KDM2A: variants seen among roughly 807,000 people sequenced by gnomAD.
KDM2A encodes lysine-specific demethylase 2A.
KDM2A carries 3 observed loss-of-function variants against 137.3 expected under a neutral mutation model. That is an observed-to-expected ratio of 0.02 (90% CI 0.01 to 0.06). KDM2A has a LOEUF of 0.06. KDM2A is among the 10% of genes least tolerant of loss of function. The pLI, the probability that KDM2A is intolerant of heterozygous loss-of-function variation, is 1.00. For synonymous variants in KDM2A, 512 were observed against 541.5 expected, an observed-to-expected ratio of 0.95 and a Z score of 0.76; for missense variants, 738 against 1,510.6, an observed-to-expected ratio of 0.49 and a Z score of 8.48.
intron 2 of KDM2A, among the ~76,000 whole-genome samples, chr11:67,135,784 C>G (rs908863069): frequency 6.6e-6 from 1 of 152,182 alleles, no homozygotes; most frequent in Non-Finnish European, 1.5e-5. Context: ...AACTTGTGGA[C>G]AGTGCTACAT....
At chr11:67,124,637 T>A (rs1295951443) in intron 2 of KDM2A, among the ~76,000 whole-genome samples, 3 of 148,270 alleles carry the variant, frequency 2.0e-5, no homozygotes, top group Non-Finnish European at 4.5e-5. Flanking sequence ...TTTTTTTTTT[T>A]AAACAAGGTA....
At chr11:67,133,173 C>G in intron 2 of KDM2A, among the ~76,000 whole-genome samples, 1 of 152,170 alleles carries the variant, frequency 6.6e-6, no homozygotes, top group East Asian at 1.9e-4. Flanking sequence ...TATCTTGGCT[C>G]AGTGCAATCT....
Position 67,256,255 on chromosome 11 carries a change from C to T in KDM2A, c.*1200C>T, listed in dbSNP as rs539947476. On this transcript the variant is annotated 3_prime_UTR_variant, in exon 21 of 21. Transcript: ENST00000529006. ...AGCATGGTGTCTCCCGCTCCACCGCCCTTTGTTGAGCCCCATCAGCTGCCC... is the reference window on the plus strand; with the variant it reads ...AGCATGGTGTCTCCCGCTCCACCGCTCTTTGTTGAGCCCCATCAGCTGCCC... 5.9e-5 allele frequency: 9 copies of T among 152,738 alleles called. No homozygotes were observed. The highest frequency in any genetic ancestry group is 1.7e-4 in the African/African-American group (7 of 41,508). The allele number at this position is 152,738 out of a possible 1,614,324, so 9.5% of individuals were successfully genotyped here. A position where few individuals can be genotyped will look rare whatever the true frequency, so the allele number is the denominator to read the frequency against.
intron 12 of KDM2A, among the ~76,000 whole-genome samples, chr11:67,240,581 C>G (rs1008226674): frequency 8.5e-5 from 13 of 152,320 alleles, no homozygotes; most frequent in African/African-American, 2.9e-4. Context: ...AGAATCCTTT[C>G]CCTCTCTGCC....
chr11:67,255,778 T>G lies in KDM2A; in HGVS notation c.*723T>G. Reference sequence around the variant, plus strand: ...TGGGGTTGAAGCTCTTCAGAGGAGCTGGAACTGTCTACCCCAGGGACACAC... The same window carrying G: ...TGGGGTTGAAGCTCTTCAGAGGAGCGGGAACTGTCTACCCCAGGGACACAC... On this transcript the variant is annotated 3_prime_UTR_variant, in exon 21 of 21. Coordinates refer to ENST00000529006, the MANE Select transcript of KDM2A (RefSeq NM_012308.3). The G allele has an allele frequency of 2.9e-6, 1 of 339,596 alleles. No individual in the cohort carries two copies. The highest frequency in any genetic ancestry group is 5.9e-6 in the Non-Finnish European group (1 of 169,616). The allele number at this position is 339,596 out of a possible 1,614,324, so 21.0% of individuals were successfully genotyped here.
intron 5 of KDM2A, among the ~76,000 whole-genome samples, chr11:67,203,488 T>A (rs1389472130): frequency 1.4e-5 from 2 of 147,438 alleles, no homozygotes; most frequent in African/African-American, 4.9e-5. Context: ...TAATATATAT[T>A]AATATATTTT....
Position 67,247,075 on chromosome 11 carries a change from T to TA in KDM2A, c.1965+959_1965+960insA, listed in dbSNP as rs1565424323. ...TATATATATATATATATATATATTT[T>TA]TTTTTTTTTTTTTTTTTTTTTTTTT... On this transcript the variant is annotated intron_variant, in intron 15 of 20. Coordinates refer to ENST00000529006, the MANE Select transcript of KDM2A (RefSeq NM_012308.3). Among the ~76,000 whole-genome samples the TA allele has an allele frequency of 1.6e-3, 101 of 62,708 alleles. 1 individual carries two copies. Among genetic ancestry groups the TA allele is most frequent in the African/African-American group, 8.0e-3 (95 of 11,904 alleles). 41.1% of individuals were successfully genotyped at this position (62,708 alleles called of 152,430 possible).
At chr11:67,127,012 C>T (rs1370529460) in intron 2 of KDM2A, among the ~76,000 whole-genome samples, 2 of 152,082 alleles carry the variant, frequency 1.3e-5, no homozygotes, top group Non-Finnish European at 2.9e-5. Flanking sequence ...AGTTTGTATA[C>T]CTGAGAAGGT....
intron 5 of KDM2A, among the ~76,000 whole-genome samples, chr11:67,204,001 A>G (rs959041149): frequency 3.3e-5 from 5 of 151,994 alleles, no homozygotes; most frequent in Admixed American, 6.6e-5. Context: ...GGGTTTCACC[A>G]TGTTGGCCAG....
intron 6 of KDM2A, 76 bp from the exon 7 acceptor site, chr11:67,215,264 C>A: frequency 1.2e-6 from 1 of 856,044 alleles, no homozygotes; most frequent in South Asian, 1.9e-5. Context: ...AGAAATTCTG[C>A]TTTTCTTGAC....
chr11:67,248,630 C>T, intron 16 of KDM2A: 2 of 397,562 alleles, frequency 5.0e-6, no homozygotes, highest in Non-Finnish European at 9.3e-6. Context: ...CTCTGGGGCC[C>T]TACAAAGAGA....
Position 67,255,617 on chromosome 11 carries a change from T to C in KDM2A, c.*562T>C, listed in dbSNP as rs750241715. 1 of 455,698 alleles carries C rather than the reference T, an allele frequency of 2.2e-6. No individual in the cohort carries two copies. The highest frequency in any genetic ancestry group is 1.5e-5 in the South Asian group (1 of 64,518). The allele number at this position is 455,698 out of a possible 1,614,324, so 28.2% of individuals were successfully genotyped here. A position where few individuals can be genotyped will look rare whatever the true frequency, so the allele number is the denominator to read the frequency against. On this transcript the variant is annotated 3_prime_UTR_variant, in exon 21 of 21. Coordinates refer to ENST00000529006, the MANE Select transcript of KDM2A (RefSeq NM_012308.3). The stretch of plus-strand genomic sequence containing the variant: ...TGAGATCTCCCAAACCTCACGTCCT[T>C]AACTGTGCTCTCCCTCCTTTCCTCT...
At position 67,254,523 on chromosome 11, in the gene KDM2A, C is replaced by T; in HGVS notation, c.3307+105C>T. 1 of 933,502 alleles carries T rather than the reference C, an allele frequency of 1.1e-6. No individual in the cohort carries two copies. Among genetic ancestry groups the T allele is most frequent in the Non-Finnish European group, 1.7e-6 (1 of 584,272 alleles). 57.8% of individuals were successfully genotyped at this position (933,502 alleles called of 1,614,324 possible). Reference sequence around the variant, plus strand: ...GACCTTGGGTCTGTTGATTGACCCACATCAGCTCATTTCTTCACATCTGGA... The same window carrying T: ...GACCTTGGGTCTGTTGATTGACCCATATCAGCTCATTTCTTCACATCTGGA... On this transcript the variant is annotated intron_variant, in intron 20 of 20. Coordinates refer to ENST00000529006, the MANE Select transcript of KDM2A (RefSeq NM_012308.3). This position sits in a 1 kb window ranked among gnomAD's most constrained non-coding sequence, Gnocchi z 4.7.
At chr11:67,229,366 A>T (rs564955362) in intron 11 of KDM2A, among the ~76,000 whole-genome samples, 1 of 152,146 alleles carries the variant, frequency 6.6e-6, no homozygotes. Flanking sequence ...AGTTTCCCCA[A>T]CATCTATCAG....
In KDM2A at chr11:67,256,912, C is replaced by G. The variant is rs1162391158; in HGVS notation, c.*1857C>G. 6.6e-6 allele frequency: 1 copy of G among 152,670 alleles called. No individual in the cohort carries two copies. The highest frequency in any genetic ancestry group is 1.5e-5 in the Non-Finnish European group (1 of 68,056). The allele number at this position is 152,670 out of a possible 1,614,324, so 9.5% of individuals were successfully genotyped here. The stretch of plus-strand genomic sequence containing the variant: ...CCATTGGTCTCCAGGCCCCAATAAT[C>G]TGGGGTTGAAACTTTGAGGAAATGC... On this transcript the variant is annotated 3_prime_UTR_variant, in exon 21 of 21. Transcript: ENST00000529006.
At chr11:67,180,392 G>A (rs1487071791) in intron 3 of KDM2A, 175 bp downstream of exon 3, 5 of 546,778 alleles carry the variant, frequency 9.1e-6, no homozygotes, top group East Asian at 3.2e-5. Flanking sequence ...CTCCCACCCT[G>A]TGAGTCATTC....
intron 2 of KDM2A, among the ~76,000 whole-genome samples, chr11:67,148,531 T>G (rs1856309116): frequency 6.6e-6 from 1 of 152,142 alleles, no homozygotes; most frequent in Non-Finnish European, 1.5e-5. Flanking sequence ...CCGGGCGTGG[T>G]GGCTCATGCC....
intron 5 of KDM2A, among the ~76,000 whole-genome samples, chr11:67,185,052 CAA>C (rs1857173675): frequency 6.6e-6 from 1 of 151,956 alleles, no homozygotes; most frequent in African/African-American, 2.4e-5. Flanking sequence ...ATCTAATAGA[CAA>C]AGATTTTTAA....
intron 5 of KDM2A, among the ~76,000 whole-genome samples, chr11:67,189,505 CTTGAGCCCAGGATT>C (rs1281288587): frequency 1.3e-5 from 2 of 152,124 alleles, no homozygotes; most frequent in African/African-American, 4.8e-5. Flanking sequence ...AGGAGGATTG[CTTGAGCCCAGGATT>C]TTGAGGCCAG....
Sources: allele counts gnomAD v4.1 joint callset (sites outside exome capture counted in the v4.1 genomes callset), GRCh38; gene constraint gnomAD v4.1.1; non-coding constraint Gnocchi (gnomAD v3.1); transcripts MANE v1.5; gene names NCBI Gene and HGNC (gene_info 2026-07-23, HGNC 2026-07-21).